Variants in MTCL1 observed in about 807,000 individuals in gnomAD.
MTCL1 encodes microtubule cross-linking factor 1.
A neutral mutation model predicts 141.4 loss-of-function variants in MTCL1; 79 were observed. The ratio of observed to expected loss-of-function variants is 0.56; its 90% CI spans 0.47 to 0.67. The LOEUF is 0.67. Among genes scored for constraint, MTCL1 ranks in the 30% least tolerant of loss-of-function variants. The probability of loss-of-function intolerance (pLI) is 0.00; values close to 1 mark genes in which losing one functional copy is unlikely to be tolerated. For synonymous variants in MTCL1, 914 were observed against 875.8 expected (o/e 1.04, Z -0.77); for missense variants, 2,177 against 2,113.9 (o/e 1.03, Z -0.59).
rs200677967 is a variant in MTCL1 at position 8,723,678 on chromosome 18, C to T, written c.357+3182C>T. Among the ~76,000 whole-genome samples the T allele has an allele frequency of 3.0e-4, 46 of 152,276 alleles. No homozygotes were observed. In the East Asian group the frequency reaches 7.9e-3, roughly 26 times the overall value. On this transcript the variant is annotated intron_variant, in intron 4 of 16. Transcript: ENST00000359865. ...TCAGAACAAACTCATCGCCCCTTGC[C>T]CCACCCTGCACCTTCTCTGTCTCCT...
rs75259509 is a variant in MTCL1, at chr18:8,794,023, G to A, written c.2010+903G>A. Among the ~76,000 whole-genome samples, 192 of 152,302 alleles carry A rather than the reference G, an allele frequency of 1.3e-3. 1 individual carries two copies. The highest frequency in any genetic ancestry group is 4.5e-3 in the African/African-American group (186 of 41,584). ...CTTGCAGCTTAGGGAAGGCAGGGCCGAATGCCAAGATGTAAATACTTTCTG... is the reference window on the plus strand; with the variant it reads ...CTTGCAGCTTAGGGAAGGCAGGGCCAAATGCCAAGATGTAAATACTTTCTG... On this transcript the variant is annotated intron_variant, in intron 8 of 16. Transcript: ENST00000359865.
Position 8,822,794 on chromosome 18 carries a change from C to T in MTCL1, c.3188+1296C>T, listed in dbSNP as rs1013822664. Among the ~76,000 whole-genome samples the T allele has an allele frequency of 6.6e-6, 1 of 152,120 alleles. No homozygotes were observed. Among genetic ancestry groups the T allele is most frequent in the African/African-American group, 2.4e-5 (1 of 41,398 alleles). On this transcript the variant is annotated intron_variant, in intron 14 of 16. Transcript: ENST00000359865. This position sits in a 1 kb window ranked among gnomAD's most constrained non-coding sequence, Gnocchi z 4.6. ...TTTAGTCATTACACCCTCCCACCTT[C>T]CCCGTTCACAGCAGCAGCCACATCA... is the stretch of plus-strand genomic sequence containing the variant.
chr18:8,715,478 G>C (rs972345578), upstream of MTCL1, among the ~76,000 whole-genome samples: 2 of 152,150 alleles, frequency 1.3e-5, no homozygotes, highest in Non-Finnish European at 2.9e-5. Flanking sequence ...CTGTATATTT[G>C]TATGTGTGGA....
At chr18:8,806,762 C>T (rs2144113597) in intron 10 of MTCL1, 131 bp from the exon 10 acceptor site, 2 of 794,580 alleles carry the variant, frequency 2.5e-6, no homozygotes, top group South Asian at 1.8e-5. Flanking sequence ...ACTCCCCACC[C>T]ACCCTGCACC....
chr18:8,714,284 A>G (rs374309497), upstream of MTCL1, among the ~76,000 whole-genome samples: 3 of 152,156 alleles, frequency 2.0e-5, no homozygotes, highest in Admixed American at 6.5e-5. Flanking sequence ...TTGTCTATCA[A>G]CTGCATAATG....
intron 12 of MTCL1, among the ~76,000 whole-genome samples, chr18:8,815,469 G>A (rs1191501009): frequency 6.6e-6 from 1 of 152,020 alleles, no homozygotes; most frequent in Non-Finnish European, 1.5e-5. Flanking sequence ...GGGGACTGTT[G>A]TGGGGTGCGG....
chr18:8,830,884 G>A lies in MTCL1; in HGVS notation c.*19-723G>A, dbSNP rs575953715. The A allele has an allele frequency of 1.0e-6, 1 of 985,486 alleles. No homozygotes were observed. Among genetic ancestry groups the A allele is most frequent in the Non-Finnish European group, 1.2e-6 (1 of 829,950 alleles). The allele number at this position is 985,486 out of a possible 1,614,324, so 61.0% of individuals were successfully genotyped here. A position where few individuals can be genotyped will look rare whatever the true frequency, so the allele number is the denominator to read the frequency against. ...TAAGGATTCTAGGTGATTTGCACAT[G>A]GTTGAGTGTGTCTTGCATCACCTGC... On this transcript the variant is annotated intron_variant, in intron 16 of 16. Coordinates refer to ENST00000359865, the Ensembl canonical transcript of MTCL1. This position sits in a 1 kb window ranked among gnomAD's most constrained non-coding sequence, Gnocchi z 6.4.
chr18:8,706,939 C>G, intron 1 of MTCL1: 1 of 669,222 alleles, frequency 1.5e-6, no homozygotes, highest in Non-Finnish European at 2.4e-6. Flanking sequence ...TCTCTTTTCT[C>G]GCGTCTAGAA....
chr18:8,780,501 A>G (rs1191894148), intron 5 of MTCL1, among the ~76,000 whole-genome samples: 1 of 152,234 alleles, frequency 6.6e-6, no homozygotes, highest in African/African-American at 2.4e-5. Context: ...GCCCTCTGTG[A>G]TCTCTGCTGC....
chr18:8,740,514 G>A (rs34717954), intron 4 of MTCL1, among the ~76,000 whole-genome samples: 3 of 151,902 alleles, frequency 2.0e-5, no homozygotes, highest in African/African-American at 4.8e-5. Flanking sequence ...GCAGAGTCTC[G>A]CTCTGTCACC....
At position 8,830,831 on chromosome 18, in the gene MTCL1, A is replaced by G. The variant is rs989938508; in HGVS notation, c.*19-776A>G. ...AACATGTAAGGACAAGGAGCTCAAC[A>G]TTCTTTAAAAACAAAGTAGCTTGAG... On this transcript the variant is annotated intron_variant, in intron 16 of 16. Transcript: ENST00000359865. This position sits in a 1 kb window ranked among gnomAD's most constrained non-coding sequence, Gnocchi z 6.4. The G allele has an allele frequency of 3.0e-6, 3 of 985,472 alleles. No individual in the cohort carries two copies. Among genetic ancestry groups the G allele is most frequent in the Non-Finnish European group, 2.4e-6 (2 of 829,938 alleles). The allele number at this position is 985,472 out of a possible 1,614,324, so 61.0% of individuals were successfully genotyped here.
In MTCL1 at chr18:8,705,788, C is replaced by G; in HGVS notation, c.128C>G (p.Ser43Trp). The change falls in exon 1 of 14, where the codon TCG (serine) becomes TGG (tryptophan). Residue 43 changes from serine (S) to tryptophan (W), a missense_variant. Coordinates refer to the MTCL1 transcript ENST00000306329. This position sits in a 1 kb window ranked among gnomAD's most constrained non-coding sequence, Gnocchi z 5.2. ...AGGCGGCGGCTGCACCGTGCGCCCTCGCCCGCCAGACCCTTCCTCAAGGAC... is the reference window on the plus strand; with the variant it reads ...AGGCGGCGGCTGCACCGTGCGCCCTGGCCCGCCAGACCCTTCCTCAAGGAC... 1 of 1,196,330 alleles carries G rather than the reference C, an allele frequency of 8.4e-7. No homozygotes were observed. Among genetic ancestry groups the G allele is most frequent in the Non-Finnish European group, 1.0e-6 (1 of 964,510 alleles). The allele number at this position is 1,196,330 out of a possible 1,614,324, so 74.1% of individuals were successfully genotyped here.
exon 15 of MTCL1, chr18:8,824,948 C>G: frequency 6.2e-7 from 1 of 1,613,652 alleles, no homozygotes; most frequent in Non-Finnish European, 8.5e-7. Flanking sequence ...ACGAGGACAG[C>G]ACAGAGCCTT....
intron 2 of MTCL1, 114 bp from the exon 2 acceptor site, chr18:8,718,310 G>A (rs2096143596): frequency 2.9e-6 from 3 of 1,041,366 alleles, no homozygotes; most frequent in Admixed American, 2.1e-5. Context: ...ATGAGGTGAT[G>A]GGTAAGCGTG....
At chr18:8,825,458 G>C in exon 15 of MTCL1, 1 of 1,596,438 alleles carries the variant, frequency 6.3e-7, no homozygotes, top group South Asian at 1.1e-5. Context: ...GGTCCCGGAC[G>C]ATGGGGACCC....
At position 8,784,847 on chromosome 18, in the gene MTCL1, A is replaced by AG. The variant is rs1412035593; in HGVS notation, c.1731+9dup. ...GGAGCTGGGCCCAGACTTGCAGGTA[A>AG]GGGGGCTCGTGGCTTCGCCTCCCTG... is the stretch of plus-strand genomic sequence containing the variant. On this transcript the variant is annotated splice_donor_region_variant and intron_variant, in intron 6 of 16. Coordinates refer to ENST00000359865, the Ensembl canonical transcript of MTCL1. The AG allele has an allele frequency of 6.3e-7, 1 of 1,577,316 alleles. No homozygotes were observed. The highest frequency in any genetic ancestry group is 8.6e-7 in the Non-Finnish European group (1 of 1,159,662).
intron 7 of MTCL1, among the ~76,000 whole-genome samples, chr18:8,790,504 G>T (rs1424149773): frequency 6.6e-6 from 1 of 152,206 alleles, no homozygotes; most frequent in African/African-American, 2.4e-5. Context: ...AAACAGTCCT[G>T]CACGGAACAC....
chr18:8,735,717 C>T (rs1339828021), intron 4 of MTCL1, among the ~76,000 whole-genome samples: 1 of 152,062 alleles, frequency 6.6e-6, no homozygotes, highest in Non-Finnish European at 1.5e-5. Context: ...AGTGAAGGCC[C>T]GCTGAGAGCC....
intron 3 of MTCL1, 56 bp downstream of exon 2, chr18:8,718,704 C>A: frequency 6.6e-7 from 1 of 1,517,416 alleles, no homozygotes; most frequent in Non-Finnish European, 9.1e-7. Flanking sequence ...CGGCTGGCCA[C>A]ATGCACGTTG....
Sources: allele counts gnomAD v4.1 joint callset (sites outside exome capture counted in the v4.1 genomes callset), GRCh38; gene constraint gnomAD v4.1.1; non-coding constraint Gnocchi (gnomAD v3.1); transcripts MANE v1.5; gene names NCBI Gene and HGNC (gene_info 2026-07-23, HGNC 2026-07-21).